Variants in TYW1 observed in about 807,000 individuals in gnomAD.
TYW1 encodes the protein S-adenosyl-L-methionine-dependent tRNA 4-demethylwyosine synthase TYW1.
A neutral mutation model predicts 96.2 loss-of-function variants in TYW1; 46 were observed. The observed-to-expected ratio is 0.48, with a 90% CI of 0.38 to 0.61. The LOEUF (loss-of-function observed/expected upper bound fraction) is 0.61, where lower values mean the gene tolerates loss of function less well. Among genes scored for constraint, TYW1 ranks in the 20% least tolerant of loss-of-function variants. TYW1 has a pLI of 0.00. For synonymous variants in TYW1, 274 were observed against 323.0 expected (o/e 0.85, Z 1.63); for missense variants, 684 against 909.6 (o/e 0.75, Z 3.19).
intron 9 of TYW1, among the ~76,000 whole-genome samples, chr7:67,063,522 A>G (rs1795759732): frequency 7.3e-6 from 1 of 136,234 alleles, no homozygotes; most frequent in Non-Finnish European, 1.6e-5. Context: ...AGAAAATCTC[A>G]AGGAAATGAC....
chr7:67,235,893 C>CAAAA (rs548873963), intron 15 of TYW1, among the ~76,000 whole-genome samples: 7,587 of 69,008 alleles, frequency 0.11, 406 homozygotes, highest in Middle Eastern at 0.13. Flanking sequence ...GACTCTGTCT[C>CAAAA]AAAAAAAAAA....
At chr7:67,208,384 T>G (rs1800880608) in intron 15 of TYW1, among the ~76,000 whole-genome samples, 2 of 151,624 alleles carry the variant, frequency 1.3e-5, no homozygotes. Context: ...AAATGTAAAG[T>G]GATTCTTTTA....
intron 13 of TYW1, among the ~76,000 whole-genome samples, chr7:67,144,749 C>T (rs538137423): frequency 2.0e-5 from 3 of 152,280 alleles, no homozygotes; most frequent in South Asian, 2.1e-4. Context: ...AGATTGCAGG[C>T]GTGAGCCACC....
intron 13 of TYW1, among the ~76,000 whole-genome samples, chr7:67,151,207 C>T (rs768081865): frequency 1.3e-5 from 2 of 152,284 alleles, no homozygotes; most frequent in East Asian, 1.9e-4. Context: ...TGTGCCACCA[C>T]GCCTGGCTAA....
intron 12 of TYW1, among the ~76,000 whole-genome samples, chr7:67,101,514 A>ATATT: frequency 6.6e-6 from 1 of 152,170 alleles, no homozygotes; most frequent in South Asian, 2.1e-4. Context: ...TCAGCTTGAA[A>ATATT]TATTTATTTA....
At chr7:67,036,653 C>T (rs937108085) in intron 7 of TYW1, among the ~76,000 whole-genome samples, 16 of 152,296 alleles carry the variant, frequency 1.1e-4, no homozygotes, top group Non-Finnish European at 8.8e-5. Context: ...CTCCCTTGGT[C>T]GTGCTGGAAC....
intron 3 of TYW1, among the ~76,000 whole-genome samples, chr7:67,003,390 C>T (rs1226447562): frequency 6.6e-6 from 1 of 151,696 alleles, no homozygotes; most frequent in Non-Finnish European, 1.5e-5. Context: ...ACCACCTTCA[C>T]TGCTACTCCC....
At chr7:67,237,341 A>G (rs1801919880) in intron 15 of TYW1, among the ~76,000 whole-genome samples, 1 of 152,120 alleles carries the variant, frequency 6.6e-6, no homozygotes, top group Admixed American at 6.5e-5. Flanking sequence ...TCTACTAAAA[A>G]TACAAAAAAT....
chr7:66,997,283 G>A (rs117928672), intron 1 of TYW1, among the ~76,000 whole-genome samples: 2,700 of 151,680 alleles, frequency 0.018, 36 homozygotes, highest in Non-Finnish European at 0.024. Context: ...TTGCTCCCAG[G>A]TTGAACGTTT....
intron 11 of TYW1, among the ~76,000 whole-genome samples, chr7:67,091,531 T>G (rs1796721714): frequency 6.6e-6 from 1 of 152,124 alleles, no homozygotes; most frequent in South Asian, 2.1e-4. Context: ...ACCTGCACAT[T>G]GCTCACATGT....
At chr7:67,237,959 A>G (rs1455734130) in intron 15 of TYW1, among the ~76,000 whole-genome samples, 1 of 152,088 alleles carries the variant, frequency 6.6e-6, no homozygotes, top group East Asian at 1.9e-4. Flanking sequence ...GTAACCGATC[A>G]AAAGCAGCAA....
At chr7:67,088,329 T>C (rs2115801217) in intron 11 of TYW1, among the ~76,000 whole-genome samples, 1 of 152,184 alleles carries the variant, frequency 6.6e-6, no homozygotes, top group African/African-American at 2.4e-5. Flanking sequence ...TAGTAAATAT[T>C]GCTGTAAAAT....
At chr7:67,025,125 A>C (rs945150127) in intron 7 of TYW1, 103 bp downstream of exon 7, 13 of 1,517,754 alleles carry the variant, frequency 8.6e-6, no homozygotes, top group Non-Finnish European at 1.1e-5. Flanking sequence ...GAGGAGTTTC[A>C]TTTCTCTAGC....
intron 5 of TYW1, among the ~76,000 whole-genome samples, chr7:67,015,242 G>C (rs576913212): frequency 9.2e-5 from 14 of 152,220 alleles, no homozygotes; most frequent in African/African-American, 2.6e-4. Context: ...GACCTCAGGT[G>C]ATCCACCCAC....
At chr7:67,116,183 G>A (rs1295714618) in intron 12 of TYW1, among the ~76,000 whole-genome samples, 1 of 151,882 alleles carries the variant, frequency 6.6e-6, no homozygotes, top group African/African-American at 2.4e-5. Flanking sequence ...AAAATTAGCC[G>A]GATGTGGCAC....
intron 11 of TYW1, among the ~76,000 whole-genome samples, chr7:67,092,666 A>G (rs1584550071): frequency 7.7e-6 from 1 of 130,652 alleles, no homozygotes; most frequent in Admixed American, 8.0e-5. Context: ...CCACGTGCCT[A>G]TCACCTTCTT....
chr7:67,062,555 A>G (rs1795726271), intron 9 of TYW1, among the ~76,000 whole-genome samples: 3 of 136,678 alleles, frequency 2.2e-5, no homozygotes, highest in Non-Finnish European at 1.6e-5. Context: ...TGACAGAGCG[A>G]GACTCCGTCT....
intron 13 of TYW1, among the ~76,000 whole-genome samples, chr7:67,172,786 A>G (rs1231192283): frequency 6.6e-6 from 1 of 152,062 alleles, no homozygotes; most frequent in Non-Finnish European, 1.5e-5. Context: ...TTTTCTCTTC[A>G]GTCTTTCCTA....
intron 4 of TYW1, among the ~76,000 whole-genome samples, chr7:67,010,797 G>T (rs1257850892): frequency 1.3e-5 from 2 of 151,864 alleles, no homozygotes; most frequent in African/African-American, 4.8e-5. Context: ...ATAGAGATAC[G>T]GTCTCACTAT....
Sources: gnomAD v4.1 joint callset for allele counts (sites outside exome capture counted in the v4.1 genomes callset) on GRCh38, gnomAD v4.1.1 for gene constraint, MANE v1.5 for transcripts, NCBI Gene and HGNC (gene_info 2026-07-23, HGNC 2026-07-21) for gene names.